Variants in CRISP3 observed in about 807,000 individuals in gnomAD.
The protein encoded by CRISP3 is cysteine-rich secretory protein 3.
CRISP3 carries 33 observed loss-of-function variants against 36.1 expected under a neutral mutation model. The ratio of observed to expected loss-of-function variants is 0.91; its 90% CI spans 0.69 to 1.22. The LOEUF is 1.22. Among genes scored for constraint, CRISP3 ranks in the 50% most tolerant of loss-of-function variants. CRISP3 has a pLI of 0.00. For synonymous variants in CRISP3, 117 were observed against 104.6 expected (o/e 1.12, Z -0.72); for missense variants, 330 against 301.2 (o/e 1.10, Z -0.71).
In CRISP3 at chr6:49,744,320, T is replaced by G. The variant is rs914695286; in HGVS notation, c.37+11A>C. 1 of 1,516,842 alleles carries G rather than the reference T, an allele frequency of 6.6e-7. No individual in the cohort carries two copies. The highest frequency in any genetic ancestry group is 1.2e-5 in the South Asian group (1 of 83,424). 94.0% of individuals were successfully genotyped at this position (1,516,842 alleles called of 1,614,324 possible). A position where few individuals can be genotyped will look rare whatever the true frequency, so the allele number is the denominator to read the frequency against. On this transcript the variant is annotated intron_variant, in intron 1 of 7. Coordinates refer to ENST00000263045, the MANE Select transcript of CRISP3 (RefSeq NM_006061.4). Reference sequence around the variant, plus strand: ...TAATGTTCACCTTGAAATAAAGGAGTTATCACTTACCAGTGGTTTCCAGAG... The same window carrying G: ...TAATGTTCACCTTGAAATAAAGGAGGTATCACTTACCAGTGGTTTCCAGAG...
chr6:49,729,004 A>ATAC, intron 7 of CRISP3, 147 bp from the exon 8 acceptor site: 1 of 628,210 alleles, frequency 1.6e-6, no homozygotes, highest in Non-Finnish European at 2.6e-6. Flanking sequence ...TTATATCTTG[A>ATAC]GGGACACATA....
Position 49,736,585 on chromosome 6 carries a change from G to C in CRISP3, c.112-78C>G, listed in dbSNP as rs562659031. 59 of 1,006,180 alleles carry C rather than the reference G, an allele frequency of 5.9e-5. No individual in the cohort carries two copies. The South Asian group carries it at 6.7e-4, about 11-fold the overall frequency. 62.3% of individuals were successfully genotyped at this position (1,006,180 alleles called of 1,614,324 possible). ...TAATAGTAACTATGTTAGTTCAAGG[G>C]AACAAAGACCATTTTTAAAAAGTGT... On this transcript the variant is annotated intron_variant, in intron 2 of 7. Coordinates refer to ENST00000263045, the MANE Select transcript of CRISP3 (RefSeq NM_006061.4).
intron 1 of CRISP3, among the ~76,000 whole-genome samples, chr6:49,739,070 A>C (rs1373671656): frequency 6.6e-6 from 1 of 152,230 alleles, no homozygotes; most frequent in South Asian, 2.1e-4. Context: ...AAGATTTCAA[A>C]CTACTAGTGT....
intron 7 of CRISP3, among the ~76,000 whole-genome samples, chr6:49,729,720 AC>A (rs1023294357): frequency 2.6e-5 from 4 of 152,038 alleles, no homozygotes; most frequent in African/African-American, 9.7e-5. Flanking sequence ...GTAACAACCG[AC>A]TGTTCTATTT....
chr6:49,739,766 G>GAAA, intron 1 of CRISP3, among the ~76,000 whole-genome samples: 1 of 149,744 alleles, frequency 6.7e-6, no homozygotes, highest in Non-Finnish European at 1.5e-5. Flanking sequence ...TAGAAAGAAT[G>GAAA]AAAAAAAAAT....
At chr6:49,732,806 T>A (rs1408968734) in intron 6 of CRISP3, among the ~76,000 whole-genome samples, 2 of 152,206 alleles carry the variant, frequency 1.3e-5, no homozygotes, top group Non-Finnish European at 2.9e-5. Flanking sequence ...TCATTCCTTA[T>A]TTGTTTGTTA....
intron 7 of CRISP3, among the ~76,000 whole-genome samples, chr6:49,729,354 C>T (rs554641189): frequency 6.6e-6 from 1 of 152,180 alleles, no homozygotes; most frequent in East Asian, 1.9e-4. Flanking sequence ...TTATATTGGA[C>T]ACAGTTGTTC....
At chr6:49,741,908 T>C (rs1582200238) in intron 1 of CRISP3, among the ~76,000 whole-genome samples, 1 of 147,832 alleles carries the variant, frequency 6.8e-6, no homozygotes, top group Admixed American at 6.8e-5. Context: ...TATATTATTA[T>C]ATATAAAATA....
intron 1 of CRISP3, among the ~76,000 whole-genome samples, chr6:49,737,621 A>G (rs1041736070): frequency 3.9e-5 from 6 of 152,126 alleles, no homozygotes; most frequent in African/African-American, 1.4e-4. Flanking sequence ...AAAATTCCCG[A>G]CTGAAGCCCT....
intron 1 of CRISP3, among the ~76,000 whole-genome samples, chr6:49,743,600 G>A (rs997259254): frequency 6.6e-6 from 1 of 152,126 alleles, no homozygotes; most frequent in African/African-American, 2.4e-5. Context: ...GTTGTCATTA[G>A]GTAGTTCTGT....
At position 49,733,659 on chromosome 6, in the gene CRISP3, TA is replaced by T. The variant is rs1561907644; in HGVS notation, c.462+43del. On this transcript the variant is annotated intron_variant, in intron 5 of 7. Coordinates refer to ENST00000263045, the MANE Select transcript of CRISP3 (RefSeq NM_006061.4). Reference sequence around the variant, plus strand: ...CAAAATTTGAAGAATCCTTTTTTTTTAGGGCACTTATAAAGGAGATGGTTTT... The same window carrying T: ...CAAAATTTGAAGAATCCTTTTTTTTTGGGCACTTATAAAGGAGATGGTTTT... 3 of 1,543,134 alleles carry T rather than the reference TA, an allele frequency of 1.9e-6. No homozygotes were observed. The Admixed American group carries it at 6.2e-5, about 32-fold the overall frequency.
chr6:49,727,663 C>T lies in CRISP3; in HGVS notation c.*1067G>A, dbSNP rs562317357. ...TTTGGCTCACATGTCTCCTTAGTCTCATGTGGTCTGTGATTGTTTCTCAGG... is the reference window on the plus strand; with the variant it reads ...TTTGGCTCACATGTCTCCTTAGTCTTATGTGGTCTGTGATTGTTTCTCAGG... On this transcript the variant is annotated 3_prime_UTR_variant, in exon 8 of 8. Transcript: ENST00000263045. The T allele has an allele frequency of 4.6e-5, 7 of 152,276 alleles. No individual in the cohort carries two copies. The highest frequency in any genetic ancestry group is 1.7e-4 in the African/African-American group (7 of 41,576). The allele number at this position is 152,276 out of a possible 1,614,324, so 9.4% of individuals were successfully genotyped here.
At position 49,731,223 on chromosome 6, in the gene CRISP3, G is replaced by T. The variant is rs200563569; in HGVS notation, c.589C>A (p.Pro197Thr). ...GCACAAGGTGCTCCTTGTTCATAAG[G>T]GACATATAGTCTATTAGCCCAATTA... ...AGNWANRLYV[P>T]YEQGAPCASC... Residue 197 changes from proline to threonine, a missense_variant, in exon 7 of 8, where the codon CCT becomes ACT. Transcript: ENST00000263045. 2.3e-4 allele frequency: 364 copies of T among 1,608,264 alleles called. No homozygotes were observed. Among genetic ancestry groups the T allele is most frequent in the Non-Finnish European group, 2.9e-4 (341 of 1,177,318 alleles).
In CRISP3 at chr6:49,744,343, G is replaced by A. The variant is rs1184322804; in HGVS notation, c.25C>T (p.Leu9=). The change falls in exon 1 of 8, where the codon CTG becomes TTG. Residue 9 remains leucine (L), a synonymous_variant. Coordinates refer to ENST00000263045, the MANE Select transcript of CRISP3 (RefSeq NM_006061.4). ...AGTTATCACTTACCAGTGGTTTCCA[G>A]AGCAGGATGAAGTATTTGTTTCATC... MKQILHPA[L]ETTAMTLFPV... 1 of 1,532,642 alleles carries A rather than the reference G, an allele frequency of 6.5e-7. No homozygotes were observed. The highest frequency in any genetic ancestry group is 1.4e-5 in the African/African-American group (1 of 72,898). 94.9% of individuals were successfully genotyped at this position (1,532,642 alleles called of 1,614,324 possible).
chr6:49,733,109 A>T, intron 6 of CRISP3, 86 bp downstream of exon 6: 1 of 727,176 alleles, frequency 1.4e-6, no homozygotes, highest in Non-Finnish European at 2.1e-6. Context: ...CTTCACCTTT[A>T]CTTAAATATG....
At chr6:49,740,512 A>G (rs1232079970) in intron 1 of CRISP3, among the ~76,000 whole-genome samples, 1 of 148,976 alleles carries the variant, frequency 6.7e-6, no homozygotes, top group East Asian at 2.0e-4. Flanking sequence ...GAAAATACTG[A>G]AAAGATAGTG....
At chr6:49,744,021 C>T (rs1769271312) in intron 1 of CRISP3, among the ~76,000 whole-genome samples, 1 of 152,006 alleles carries the variant, frequency 6.6e-6, no homozygotes, top group Non-Finnish European at 1.5e-5. Flanking sequence ...AAAAATAGTT[C>T]TAGTACAATT....
chr6:49,738,784 A>G (rs1769124320), intron 1 of CRISP3, among the ~76,000 whole-genome samples: 1 of 151,764 alleles, frequency 6.6e-6, no homozygotes, highest in South Asian at 2.1e-4. Context: ...TGCAAAACCC[A>G]TTTTCATGCT....
Position 49,735,596 on chromosome 6 carries a change from A to C in CRISP3, c.229-5T>G, listed in dbSNP as rs1393000098. The C allele has an allele frequency of 1.2e-6, 2 of 1,610,052 alleles. No individual in the cohort carries two copies. The highest frequency in any genetic ancestry group is 1.1e-5 in the South Asian group (1 of 90,692). ...TGCAGCCTCTTTGTTCCATTCCTGAAACAAGGACAGAAAAAAGATATCCAC... is the reference window on the plus strand; with the variant it reads ...TGCAGCCTCTTTGTTCCATTCCTGACACAAGGACAGAAAAAAGATATCCAC... On this transcript the variant is annotated splice_polypyrimidine_tract_variant and splice_region_variant and intron_variant, in intron 3 of 7. Transcript: ENST00000263045.
Sources: gnomAD v4.1 joint callset for allele counts (sites outside exome capture counted in the v4.1 genomes callset) on GRCh38, gnomAD v4.1.1 for gene constraint, MANE v1.5 for transcripts, NCBI Gene and HGNC (gene_info 2026-07-23, HGNC 2026-07-21) for gene names.